PCDH9: variants seen among roughly 807,000 people sequenced by gnomAD.
PCDH9 encodes protocadherin-9.
In PCDH9, 24 loss-of-function variants were observed where a neutral mutation model predicts 70.6. That is an observed-to-expected ratio of 0.34 (90% CI 0.25 to 0.48). PCDH9 has a LOEUF of 0.48. Ranked by LOEUF, PCDH9 falls within the 20% of genes least tolerant of loss-of-function variation. The pLI is 0.99. For missense variants in PCDH9, 1,281 were observed against 1,503.6 expected, an observed-to-expected ratio of 0.85 and a Z score of 2.45; for synonymous variants, 562 against 558.5, an observed-to-expected ratio of 1.01 and a Z score of -0.09.
chr13:66,851,969 G>A (rs373046562), intron 3 of PCDH9, among the ~76,000 whole-genome samples: 6 of 151,920 alleles, frequency 3.9e-5, no homozygotes, highest in African/African-American at 7.2e-5. Flanking sequence ...GTCTTCATAT[G>A]GCCTTTCCTC....
intron 3 of PCDH9, among the ~76,000 whole-genome samples, chr13:66,737,413 G>A (rs919764205): frequency 2.0e-5 from 3 of 152,200 alleles, no homozygotes; most frequent in African/African-American, 7.2e-5. Context: ...CTCACCAAAA[G>A]TGGGCTACCC....
At chr13:67,203,633 T>C (rs997017550) in intron 2 of PCDH9, 1 of 152,156 alleles carries the variant, frequency 6.6e-6, no homozygotes, top group African/African-American at 2.4e-5. Context: ...AAACACATTT[T>C]GTGGTTAAAG....
At chr13:66,337,356 G>A (rs926686979) in intron 4 of PCDH9, among the ~76,000 whole-genome samples, 2 of 151,864 alleles carry the variant, frequency 1.3e-5, no homozygotes, top group Admixed American at 1.3e-4. Context: ...CATAAATAAA[G>A]GATAACTCTT....
intron 3 of PCDH9, among the ~76,000 whole-genome samples, chr13:66,699,318 T>C (rs534819086): frequency 1.2e-4 from 19 of 152,274 alleles, no homozygotes; most frequent in African/African-American, 4.6e-4. Context: ...ACCTGGCATG[T>C]CTGGGATCTA....
At chr13:67,077,279 G>A (rs879263773) in intron 2 of PCDH9, among the ~76,000 whole-genome samples, 3 of 152,136 alleles carry the variant, frequency 2.0e-5, no homozygotes, top group Non-Finnish European at 2.9e-5. Flanking sequence ...ACTGTCTGCT[G>A]AGCATATCAG....
At chr13:66,434,149 A>C (rs914058979) in intron 4 of PCDH9, among the ~76,000 whole-genome samples, 1 of 151,948 alleles carries the variant, frequency 6.6e-6, no homozygotes, top group African/African-American at 2.4e-5. Flanking sequence ...TGGAAATTTG[A>C]GAACTCTTAT....
chr13:67,072,837 C>A (rs1683055605), intron 2 of PCDH9, among the ~76,000 whole-genome samples: 1 of 152,084 alleles, frequency 6.6e-6, no homozygotes, highest in South Asian at 2.1e-4. Context: ...AAAAATAAAT[C>A]TCAGATATAT....
At chr13:67,180,517 C>CATT (rs1480573430) in intron 2 of PCDH9, among the ~76,000 whole-genome samples, 2 of 152,110 alleles carry the variant, frequency 1.3e-5, no homozygotes, top group African/African-American at 4.8e-5. Context: ...CAAACCATCA[C>CATT]ATTATTTATA....
intron 4 of PCDH9, among the ~76,000 whole-genome samples, chr13:66,446,788 T>A (rs781345832): frequency 6.6e-6 from 1 of 152,084 alleles, no homozygotes; most frequent in East Asian, 1.9e-4. Context: ...AGCTGTAGAC[T>A]GTAAAAAAAA....
intron 4 of PCDH9, among the ~76,000 whole-genome samples, chr13:66,504,115 C>A (rs771631697): frequency 5.9e-5 from 9 of 152,202 alleles, no homozygotes; most frequent in Non-Finnish European, 1.3e-4. Flanking sequence ...AGTCATTGTA[C>A]TCACTGGCTC....
intron 2 of PCDH9, among the ~76,000 whole-genome samples, chr13:67,047,505 C>T (rs1035710183): frequency 6.6e-6 from 1 of 152,172 alleles, no homozygotes; most frequent in African/African-American, 2.4e-5. Context: ...TGTTCATTGG[C>T]AATTGACATC....
chr13:66,725,526 C>T (rs997924020), intron 3 of PCDH9, among the ~76,000 whole-genome samples: 2 of 152,120 alleles, frequency 1.3e-5, no homozygotes, highest in Non-Finnish European at 2.9e-5. Context: ...TACCTCCCAG[C>T]GACTATTGTT....
chr13:66,464,179 C>A (rs1458409271), intron 4 of PCDH9, among the ~76,000 whole-genome samples: 1 of 150,792 alleles, frequency 6.6e-6, no homozygotes, highest in Admixed American at 6.6e-5. Flanking sequence ...CAAAGCAGCC[C>A]ATTAAGATAA....
intron 3 of PCDH9, among the ~76,000 whole-genome samples, chr13:66,694,214 A>G (rs1284466325): frequency 6.6e-6 from 1 of 152,190 alleles, no homozygotes; most frequent in African/African-American, 2.4e-5. Context: ...CTTGTATGTA[A>G]TGTGATTTGA....
At chr13:67,160,369 C>A (rs904150679) in intron 2 of PCDH9, among the ~76,000 whole-genome samples, 5 of 151,998 alleles carry the variant, frequency 3.3e-5, no homozygotes, top group African/African-American at 1.2e-4. Context: ...CACGGTGAAA[C>A]CCTGTATCTA....
intron 4 of PCDH9, among the ~76,000 whole-genome samples, chr13:66,456,121 A>G (rs1958312412): frequency 6.6e-6 from 1 of 152,220 alleles, no homozygotes; most frequent in South Asian, 2.1e-4. Context: ...AATACTAAAA[A>G]TTAAATGCTT....
chr13:66,665,128 C>A (rs1226724779), intron 3 of PCDH9, among the ~76,000 whole-genome samples: 2 of 144,102 alleles, frequency 1.4e-5, no homozygotes, highest in Admixed American at 7.0e-5. Context: ...TTTTTTGAGA[C>A]GGAGTTTTGC....
At chr13:66,541,018 A>C (rs1056069073) in intron 4 of PCDH9, among the ~76,000 whole-genome samples, 7 of 152,162 alleles carry the variant, frequency 4.6e-5, no homozygotes, top group African/African-American at 1.7e-4. Context: ...AGCAGACTGG[A>C]TTGGGTTACA....
intron 4 of PCDH9, among the ~76,000 whole-genome samples, chr13:66,324,006 C>T (rs79476700): frequency 0.011 from 1,639 of 152,116 alleles, 17 homozygotes; most frequent in South Asian, 0.026. Flanking sequence ...TGTACATTGC[C>T]TATATATGCT....
Sources: gnomAD v4.1 joint callset for allele counts (sites outside exome capture counted in the v4.1 genomes callset) on GRCh38, gnomAD v4.1.1 for gene constraint, MANE v1.5 for transcripts, NCBI Gene and HGNC (gene_info 2026-07-23, HGNC 2026-07-21) for gene names.